Variants in SUGP2 observed in about 807,000 individuals in gnomAD.
The protein encoded by SUGP2 is SURP and G-patch domain containing 2, also known as SURP and G-patch domain-containing protein 2.
A neutral mutation model predicts 90.5 loss-of-function variants in SUGP2; 24 were observed. That is an observed-to-expected ratio of 0.27 (90% CI 0.19 to 0.37). The LOEUF (loss-of-function observed/expected upper bound fraction) is 0.37, where lower values mean the gene tolerates loss of function less well. SUGP2 is among the 10% of genes least tolerant of loss of function. The pLI, the probability that SUGP2 is intolerant of heterozygous loss-of-function variation, is 1.00. For synonymous variants in SUGP2, 473 were observed against 513.4 expected, an observed-to-expected ratio of 0.92 and a Z score of 1.06; for missense variants, 1,233 against 1,363.3, an observed-to-expected ratio of 0.90 and a Z score of 1.51.
At chr19:19,007,836 T>C (rs905074200) in intron 6 of SUGP2, among the ~76,000 whole-genome samples, 1 of 145,892 alleles carries the variant, frequency 6.9e-6, no homozygotes, top group African/African-American at 2.5e-5. Context: ...CTCAGCTCAC[T>C]GAAACCTCCG....
chr19:19,010,587 G>T (rs550482666), intron 4 of SUGP2, among the ~76,000 whole-genome samples: 1 of 152,284 alleles, frequency 6.6e-6, no homozygotes, highest in Admixed American at 6.5e-5. Flanking sequence ...CAGCAGCCGT[G>T]AGGGAGCTCC....
chr19:18,995,106 G>T (rs772199256), intron 9 of SUGP2, 38 bp downstream of exon 9: 2 of 1,584,784 alleles, frequency 1.3e-6, no homozygotes, highest in Admixed American at 1.7e-5. Context: ...AAGGACTGAG[G>T]CCCCACCCAC....
At chr19:18,999,803 C>T (rs1050673585) in intron 8 of SUGP2, among the ~76,000 whole-genome samples, 4 of 152,232 alleles carry the variant, frequency 2.6e-5, no homozygotes, top group African/African-American at 9.6e-5. Flanking sequence ...TTGCCCCCAG[C>T]ACTGTGTCCC....
In SUGP2 at chr19:18,991,739, G is replaced by A. The variant is rs1264540840; in HGVS notation, c.*2002C>T. ...ATTCACCTGACCCATGGCCAACATGGAAGCTGTCGGAGGGGTCAGGAAAGG... is the reference window on the plus strand; with the variant it reads ...ATTCACCTGACCCATGGCCAACATGAAAGCTGTCGGAGGGGTCAGGAAAGG... On this transcript the variant is annotated 3_prime_UTR_variant, in exon 11 of 11. Coordinates refer to ENST00000452918, the MANE Select transcript of SUGP2 (RefSeq NM_001017392.5). 1 of 152,304 alleles carries A rather than the reference G, an allele frequency of 6.6e-6. No homozygotes were observed. The highest frequency in any genetic ancestry group is 2.4e-5 in the African/African-American group (1 of 41,422). 9.4% of individuals were successfully genotyped at this position (152,304 alleles called of 1,614,324 possible).
At position 18,995,189 on chromosome 19, in the gene SUGP2, T is replaced by C; in HGVS notation, c.3083A>G (p.His1028Arg). Reference protein sequence around the residue: ...MLQKMGWKEGHGLGSLGKGIR... With the variant: ...MLQKMGWKEGRGLGSLGKGIR... ...GCCCTTTCCGAGGGAGCCCAGGCCA[T>C]GGCCCTCCTTCCAGCCCATCTTCTG... Residue 1028 changes from histidine (H) to arginine (R), a missense_variant, in exon 9 of 11, where the codon CAT becomes CGT. Coordinates refer to ENST00000452918, the MANE Select transcript of SUGP2 (RefSeq NM_001017392.5). 2.7e-6 allele frequency: 4 copies of C among 1,494,242 alleles called. No individual in the cohort carries two copies. The highest frequency in any genetic ancestry group is 3.6e-6 in the Non-Finnish European group (4 of 1,104,064). 92.6% of individuals were successfully genotyped at this position (1,494,242 alleles called of 1,614,324 possible). A position where few individuals can be genotyped will look rare whatever the true frequency, so the allele number is the denominator to read the frequency against.
Position 18,998,356 on chromosome 19 carries a change from G to A in SUGP2, c.2992-3076C>T, listed in dbSNP as rs574462870. On this transcript the variant is annotated intron_variant, in intron 8 of 10. Transcript: ENST00000452918. ...GGCTGGAGTGCAGTGGCTCCATCAT[G>A]GCTCACTGCAGTCTTGAACTCCCGG... 1.1e-4 allele frequency among the ~76,000 whole-genome samples: 16 copies of A among 152,312 alleles called. No homozygotes were observed. The South Asian group carries it at 3.3e-3, about 32-fold the overall frequency.
In SUGP2 at chr19:19,017,166, C is replaced by A. The variant is rs917033534; in HGVS notation, c.1850+1943G>T. The stretch of plus-strand genomic sequence containing the variant: ...CACCCCTGCATTGCAGCCTGGGCAA[C>A]AGAGTGAGATCCTGTCACTAACAAA... On this transcript the variant is annotated intron_variant, in intron 4 of 10. Coordinates refer to ENST00000452918, the MANE Select transcript of SUGP2 (RefSeq NM_001017392.5). Among the ~76,000 whole-genome samples, 7 of 152,292 alleles carry A rather than the reference C, an allele frequency of 4.6e-5. No individual in the cohort carries two copies. In the South Asian group the frequency reaches 1.4e-3, roughly 32 times the overall value.
At chr19:19,002,227 A>C (rs2145347407) in intron 7 of SUGP2, among the ~76,000 whole-genome samples, 1 of 152,180 alleles carries the variant, frequency 6.6e-6, no homozygotes, top group East Asian at 2.0e-4. Context: ...TAAAAGTACA[A>C]AAACTAGCCA....
chr19:19,010,167 G>A lies in SUGP2; in HGVS notation c.2026C>T (p.Pro676Ser), dbSNP rs868449055. ...CGGAGGAGCCCCCGCCGCTGCCACG[G>A]AAGGAGTTTCTTCTTGAGGTTGCGG... ...AVRNLKKKLL[P>S]WQRRGLLRAQ... is the part of the protein sequence containing the mutation. Residue 676 changes from proline to serine, a missense_variant, in exon 5 of 11, where the codon CCG becomes TCG. Transcript: ENST00000452918. 1 of 1,613,646 alleles carries A rather than the reference G, an allele frequency of 6.2e-7. No homozygotes were observed. The highest frequency in any genetic ancestry group is 1.1e-5 in the South Asian group (1 of 91,068).
intron 2 of SUGP2, among the ~76,000 whole-genome samples, chr19:19,027,817 T>C (rs2058994306): frequency 6.6e-6 from 1 of 152,154 alleles, no homozygotes; most frequent in Non-Finnish European, 1.5e-5. Flanking sequence ...TTTGTATTTT[T>C]AGTAGAGACA....
At chr19:18,995,106 G>GCGCC in intron 9 of SUGP2, 38 bp downstream of exon 9, 1 of 1,584,886 alleles carries the variant, frequency 6.3e-7, no homozygotes. Context: ...AAGGACTGAG[G>GCGCC]CCCCACCCAC....
At chr19:19,024,509 GAT>G (rs2058847676) in intron 3 of SUGP2, 108 bp downstream of exon 3, 1 of 1,268,548 alleles carries the variant, frequency 7.9e-7, no homozygotes, top group African/African-American at 1.5e-5. Flanking sequence ...CTAAAATCCT[GAT>G]ATGTTTCCAA....
At chr19:19,027,690 T>C (rs949184143) in intron 2 of SUGP2, among the ~76,000 whole-genome samples, 1 of 150,506 alleles carries the variant, frequency 6.6e-6, no homozygotes, top group Non-Finnish European at 1.5e-5. Context: ...AGTGCCGGAG[T>C]GCAAGGGTGC....
At chr19:19,024,529 A>C (rs1432944745) in intron 3 of SUGP2, 90 bp downstream of exon 3, 3 of 1,448,888 alleles carry the variant, frequency 2.1e-6, no homozygotes, top group Non-Finnish European at 2.8e-6. Context: ...CAATTGGCTA[A>C]AGAACTTCTG....
intron 8 of SUGP2, among the ~76,000 whole-genome samples, chr19:18,997,210 T>C (rs1040067668): frequency 3.9e-5 from 6 of 151,906 alleles, no homozygotes; most frequent in African/African-American, 1.5e-4. Context: ...TCCCTAACGT[T>C]AGGGGTGCAT....
At chr19:19,005,640 A>C (rs1038843120) in intron 6 of SUGP2, among the ~76,000 whole-genome samples, 1 of 152,134 alleles carries the variant, frequency 6.6e-6, no homozygotes, top group African/African-American at 2.4e-5. Flanking sequence ...GGTCTTTCAA[A>C]GAATGGTATT....
intron 6 of SUGP2, among the ~76,000 whole-genome samples, chr19:19,007,108 A>T (rs1278567922): frequency 1.3e-5 from 2 of 152,102 alleles, no homozygotes; most frequent in African/African-American, 2.4e-5. Flanking sequence ...TCTGGAGGGG[A>T]CATCTCATGT....
chr19:18,997,196 A>G (rs1407618251), intron 8 of SUGP2, among the ~76,000 whole-genome samples: 1 of 152,130 alleles, frequency 6.6e-6, no homozygotes, highest in Non-Finnish European at 1.5e-5. Context: ...CCCAGGAATC[A>G]GCTTCCCTAA....
chr19:19,009,251 C>T (rs1223778893), intron 5 of SUGP2, among the ~76,000 whole-genome samples: 1 of 152,118 alleles, frequency 6.6e-6, no homozygotes, highest in East Asian at 1.9e-4. Flanking sequence ...GAACGGCTCA[C>T]GACACAGCAA....
Sources: allele counts gnomAD v4.1 joint callset (sites outside exome capture counted in the v4.1 genomes callset), GRCh38; gene constraint gnomAD v4.1.1; transcripts MANE v1.5; gene names NCBI Gene and HGNC (gene_info 2026-07-23, HGNC 2026-07-21).